The following RADX variants were observed in gnomAD, a reference collection of about 807,000 sequenced individuals.
RADX encodes RPA-related protein RADX.
Under a neutral mutation model 61.6 loss-of-function variants are expected in RADX, and 36 were observed. That is an observed-to-expected ratio of 0.58 (90% CI 0.45 to 0.77). RADX has a LOEUF of 0.77. Among genes scored for constraint, RADX ranks in the 30% least tolerant of loss-of-function variants. RADX has a pLI of 0.00. For synonymous variants in RADX, 272 were observed against 237.9 expected (o/e 1.14, Z -1.32); for missense variants, 497 against 651.1 (o/e 0.76, Z 2.58).
rs139827001 is a variant in RADX, at chrX:106,622,705, A to G, written c.698A>G (p.Asn233Ser). 1 of 1,193,975 alleles carries G rather than the reference A, an allele frequency of 8.4e-7. No individual in the cohort carries two copies. The highest frequency in any genetic ancestry group is 1.1e-6 in the Non-Finnish European group (1 of 884,702). ...GAAATGACCTGGACTAACAGAAGAAATTTTCCTGCATTGCTTGTGAGGATC... is the reference window on the plus strand; with the variant it reads ...GAAATGACCTGGACTAACAGAAGAAGTTTTCCTGCATTGCTTGTGAGGATC... ...HLEMTWTNRRNFPALLVRILH... is the reference protein window; with the variant it reads ...HLEMTWTNRRSFPALLVRILH... Residue 233 changes from asparagine (N) to serine (S), a missense_variant, in exon 2 of 14, where the codon AAT becomes AGT. Asn to Ser is a conservative substitution (Grantham distance 46). This residue lies in a region of RADX where 196 missense variants were observed against 315.0 expected (regional missense o/e 0.62). Coordinates refer to ENST00000372548, the MANE Select transcript of RADX (RefSeq NM_018015.6).
rs779174377 is a variant in RADX at position 106,622,811 on chromosome X, T to A, written c.786+18T>A. On this transcript the variant is annotated intron_variant, in intron 2 of 13. Transcript: ENST00000372548. ...CATATCAGGTACAAGTAATAAGATA[T>A]CATATGTTAATTTAAAAGTTATAAA... is the stretch of plus-strand genomic sequence containing the variant. The A allele has an allele frequency of 9.8e-7, 1 of 1,025,639 alleles. No individual in the cohort carries two copies. Among genetic ancestry groups the A allele is most frequent in the Non-Finnish European group, 1.3e-6 (1 of 756,466 alleles). 84.5% of individuals were successfully genotyped at this position (1,025,639 alleles called of 1,213,427 possible).
chrX:106,646,577 G>A (rs1927664490), intron 10 of RADX, among the ~76,000 whole-genome samples: 1 of 111,139 alleles, frequency 9.0e-6, no homozygotes, highest in Non-Finnish European at 1.9e-5. Flanking sequence ...GCATATACAA[G>A]GGGCAGTTAG....
chrX:106,621,690 A>G (rs1304750852), intron 1 of RADX, among the ~76,000 whole-genome samples: 1 of 111,205 alleles, frequency 9.0e-6, no homozygotes, highest in Admixed American at 9.6e-5. Context: ...AATGGAGGAT[A>G]AGTAAAGGGG....
chrX:106,620,377 T>TA (rs1926916602), intron 1 of RADX, among the ~76,000 whole-genome samples: 1 of 111,415 alleles, frequency 9.0e-6, no homozygotes, highest in African/African-American at 3.3e-5. Flanking sequence ...TATAGTACAG[T>TA]AAAAAGCTCT....
chrX:106,661,197 T>C (rs776588145), intron 11 of RADX, among the ~76,000 whole-genome samples: 1 of 111,021 alleles, frequency 9.0e-6, no homozygotes, highest in South Asian at 3.8e-4. Context: ...AGAAACTTAA[T>C]GTGTTAGATT....
chrX:106,613,854 T>C (rs1193060209), intron 1 of RADX, among the ~76,000 whole-genome samples: 2 of 112,413 alleles, frequency 1.8e-5, no homozygotes, highest in Non-Finnish European at 3.8e-5. Context: ...ACTCTAAATG[T>C]TGATCACTTT....
At chrX:106,652,860 C>A (rs1042547203) in intron 11 of RADX, among the ~76,000 whole-genome samples, 1 of 108,785 alleles carries the variant, frequency 9.2e-6, no homozygotes, top group Non-Finnish European at 1.9e-5. Flanking sequence ...ACGGAGCATG[C>A]CTGTATTACC....
rs1461549702 is a variant in RADX, at chrX:106,632,720, C to T, written c.1075C>T (p.Arg359Ter). Residue 359 changes from arginine to a stop codon, truncating the protein, a stop_gained, in exon 4 of 14, where the codon CGA (arginine) becomes TGA (stop). Transcript: ENST00000372548. LOFTEE classifies it high-confidence loss of function. The part of the protein sequence containing the change: ...PEWRLPKLNH[R>*]FTTRSELDDM... ...ATGGAGACTGCCAAAGCTAAATCAC[C>T]GATTTACCACAAGGTAAAATAGTTT... The T allele has an allele frequency of 5.3e-6, 6 of 1,140,187 alleles. No individual in the cohort carries two copies. Among genetic ancestry groups the T allele is most frequent in the Non-Finnish European group, 6.0e-6 (5 of 836,628 alleles). The allele number at this position is 1,140,187 out of a possible 1,213,427, so 94.0% of individuals were successfully genotyped here.
chrX:106,671,898 C>G (rs1412282801), intron 13 of RADX, among the ~76,000 whole-genome samples: 1 of 111,250 alleles, frequency 9.0e-6, no homozygotes, highest in South Asian at 3.7e-4. Context: ...AACCTTTTAT[C>G]ATGTGTTACA....
intron 1 of RADX, among the ~76,000 whole-genome samples, chrX:106,622,006 T>C (rs1423834407): frequency 9.5e-6 from 1 of 105,383 alleles, no homozygotes; most frequent in Non-Finnish European, 2.0e-5. Flanking sequence ...CACTGCAGCC[T>C]GGCTGCAGTG....
At chrX:106,660,323 A>G (rs1928059165) in intron 11 of RADX, among the ~76,000 whole-genome samples, 1 of 111,998 alleles carries the variant, frequency 8.9e-6, no homozygotes, top group South Asian at 3.7e-4. Context: ...GTATTGCAAT[A>G]TTTTAAATTC....
intron 11 of RADX, among the ~76,000 whole-genome samples, chrX:106,651,863 A>C (rs1342514751): frequency 9.1e-6 from 1 of 110,414 alleles, no homozygotes; most frequent in Non-Finnish European, 1.9e-5. Flanking sequence ...AAAAAGGGGG[A>C]AAAAGCAAAG....
At chrX:106,631,281 A>G (rs1024526298) in intron 3 of RADX, among the ~76,000 whole-genome samples, 4 of 112,297 alleles carry the variant, frequency 3.6e-5, no homozygotes, top group Non-Finnish European at 7.5e-5. Flanking sequence ...CAATGGGCAA[A>G]AGACCAAGGC....
At chrX:106,630,973 T>G (rs755309624) in intron 3 of RADX, among the ~76,000 whole-genome samples, 1 of 112,254 alleles carries the variant, frequency 8.9e-6, no homozygotes, top group Admixed American at 9.5e-5. Flanking sequence ...AGAAGTCAAC[T>G]GATTATGTAT....
chrX:106,659,622 A>C (rs1057209154), intron 11 of RADX, among the ~76,000 whole-genome samples: 4 of 111,589 alleles, frequency 3.6e-5, no homozygotes, highest in Non-Finnish European at 7.5e-5. Flanking sequence ...TCTTATTTTT[A>C]GAAAAACCTG....
chrX:106,656,414 A>G (rs972547523), intron 11 of RADX, among the ~76,000 whole-genome samples: 3 of 112,088 alleles, frequency 2.7e-5, no homozygotes, highest in African/African-American at 9.7e-5. Context: ...GCCTCCTTCC[A>G]TAAATCACAA....
chrX:106,655,381 G>T (rs1364778425), intron 11 of RADX, among the ~76,000 whole-genome samples: 3 of 104,331 alleles, frequency 2.9e-5, no homozygotes, highest in African/African-American at 1.1e-4. Flanking sequence ...TAGGGTACAT[G>T]TGCACAATGT....
At chrX:106,671,648 T>A (rs1426860) in intron 13 of RADX, among the ~76,000 whole-genome samples, 18,743 of 111,022 alleles carry the variant, frequency 0.17, 1,448 homozygotes, top group South Asian at 0.34. Flanking sequence ...AAAGCAAGAG[T>A]GCCACTTTAC....
In RADX at chrX:106,632,945, G is replaced by A. The variant is rs1489168647; in HGVS notation, c.1102G>A (p.Asp368Asn). The change falls in exon 5 of 14, where the codon GAT becomes AAT. Residue 368 changes from aspartate (D) to asparagine (N), a missense_variant. By Grantham distance (23) the Asp-to-Asn change is conservative. Around this residue, in one of 3 missense-constraint regions of RADX, gnomAD observed 196 missense variants for 315.0 expected, o/e 0.62. Coordinates refer to ENST00000372548, the MANE Select transcript of RADX (RefSeq NM_018015.6). ...TTACCTTTTTAGGTCAGAACTGGAT[G>A]ATATGCCAGAAAATTGCATCTGTGA... is the stretch of plus-strand genomic sequence containing the variant. ...HRFTTRSELD[D>N]MPENCICDVI... The A allele has an allele frequency of 1.7e-6, 2 of 1,206,047 alleles. No homozygotes were observed. Among genetic ancestry groups the A allele is most frequent in the Non-Finnish European group, 2.2e-6 (2 of 890,551 alleles).
Sources: gnomAD v4.1 joint callset for allele counts (sites outside exome capture counted in the v4.1 genomes callset) on GRCh38, gnomAD v4.1.1 for gene constraint, gnomAD v4.1.1 regional missense constraint, MANE v1.5 for transcripts, NCBI Gene and HGNC (gene_info 2026-07-23, HGNC 2026-07-21) for gene names.